The following LARP4 variants were observed in gnomAD, a reference collection of about 807,000 sequenced individuals.
The protein encoded by LARP4 is La ribonucleoprotein 4, also known as la-related protein 4.
Under a neutral mutation model 92.9 loss-of-function variants are expected in LARP4, and 29 were observed. That is an observed-to-expected ratio of 0.31 (90% CI 0.23 to 0.43). The LOEUF is 0.43. Ranked by LOEUF, LARP4 falls within the 20% of genes least tolerant of loss-of-function variation. LARP4 has a pLI of 1.00. For missense variants in LARP4, 732 were observed against 860.0 expected, an observed-to-expected ratio of 0.85 and a Z score of 1.86; for synonymous variants, 279 against 284.1, an observed-to-expected ratio of 0.98 and a Z score of 0.18.
intron 10 of LARP4, 105 bp downstream of exon 10, chr12:50,454,522 A>AT (rs1011837552): frequency 5.9e-6 from 5 of 850,768 alleles, no homozygotes; most frequent in Admixed American, 3.0e-5. Flanking sequence ...GGTTTGGTGG[A>AT]TTTTTTGTTT....
intron 1 of LARP4, among the ~76,000 whole-genome samples, chr12:50,410,524 G>A (rs1282597937): frequency 6.6e-6 from 1 of 151,036 alleles, no homozygotes; most frequent in East Asian, 1.9e-4. Context: ...TCCTGCCTCA[G>A]CCTCCCAAGT....
At chr12:50,403,063 C>G (rs945975493) in intron 1 of LARP4, among the ~76,000 whole-genome samples, 1 of 152,170 alleles carries the variant, frequency 6.6e-6, no homozygotes, top group East Asian at 1.9e-4. Context: ...GAATTATTCT[C>G]AGTGAGAGAA....
intron 8 of LARP4, among the ~76,000 whole-genome samples, chr12:50,449,168 TGGA>T (rs1156816233): frequency 6.6e-6 from 1 of 151,930 alleles, no homozygotes; most frequent in Non-Finnish European, 1.5e-5. Flanking sequence ...ATTTGATCCT[TGGA>T]GGAGGAGGTT....
At position 50,476,969 on chromosome 12, in the gene LARP4, G is replaced by A. The variant is rs1957579429; in HGVS notation, c.*1105G>A. The A allele has an allele frequency of 6.6e-6, 1 of 152,264 alleles. No individual in the cohort carries two copies. Among genetic ancestry groups the A allele is most frequent in the Admixed American group, 6.6e-5 (1 of 15,262 alleles). The allele number at this position is 152,264 out of a possible 1,614,324, so 9.4% of individuals were successfully genotyped here. ...TAATTTATTTGTCGTTAGTGTTAAAGATTAAGCATAGTAACTGACTCTTAA... is the reference window on the plus strand; with the variant it reads ...TAATTTATTTGTCGTTAGTGTTAAAAATTAAGCATAGTAACTGACTCTTAA... On this transcript the variant is annotated 3_prime_UTR_variant, in exon 16 of 16. Transcript: ENST00000398473.
chr12:50,472,044 G>C (rs1956993477), intron 13 of LARP4, among the ~76,000 whole-genome samples: 1 of 152,042 alleles, frequency 6.6e-6, no homozygotes, highest in Admixed American at 6.6e-5. Flanking sequence ...AAATGATCTA[G>C]CTTCCAGATC....
intron 12 of LARP4, among the ~76,000 whole-genome samples, chr12:50,466,083 A>G (rs898189526): frequency 1.3e-5 from 2 of 152,184 alleles, no homozygotes; most frequent in African/African-American, 2.4e-5. Context: ...ACCAAATGCT[A>G]TATGTCAGGA....
rs202127518 is a variant in LARP4, at chr12:50,451,838, T to TA, written c.805-1614dup. On this transcript the variant is annotated intron_variant, in intron 8 of 15. Coordinates refer to ENST00000398473, the MANE Select transcript of LARP4 (RefSeq NM_052879.5). Reference sequence around the variant, plus strand: ...GGCCACAGAGTGAGACTCTGTGTCTTAAAAAAAATACAAAAATCAGCCGGG... The same window carrying TA: ...GGCCACAGAGTGAGACTCTGTGTCTTAAAAAAAAATACAAAAATCAGCCGGG... Among the ~76,000 whole-genome samples the TA allele has an allele frequency of 9.1e-3, 1,372 of 150,778 alleles. 17 individuals are homozygous for TA. The highest frequency in any genetic ancestry group is 0.031 in the African/African-American group (1,278 of 41,050).
rs761462146 is a variant in LARP4 at position 50,427,767 on chromosome 12, A to G, written c.24A>G (p.Val8=). The G allele has an allele frequency of 6.5e-6, 10 of 1,535,204 alleles. No homozygotes were observed. Among genetic ancestry groups the G allele is most frequent in the Non-Finnish European group, 8.8e-6 (10 of 1,131,966 alleles). The change falls in exon 2 of 16, where the codon GTA becomes GTG. Residue 8 remains valine (V), a synonymous_variant. Coordinates refer to ENST00000398473, the MANE Select transcript of LARP4 (RefSeq NM_052879.5). MLLFVEQ[V]ASKGTGLNPN... ...TAGATCCTTCGATTATTTAGCAGGTAGCATCTAAAGGAACTGGTTTAAATC... is the reference window on the plus strand; with the variant it reads ...TAGATCCTTCGATTATTTAGCAGGTGGCATCTAAAGGAACTGGTTTAAATC...
chr12:50,456,861 A>G (rs1236219481), intron 10 of LARP4, among the ~76,000 whole-genome samples: 1 of 152,214 alleles, frequency 6.6e-6, no homozygotes, highest in African/African-American at 2.4e-5. Flanking sequence ...TTTTCTAAAC[A>G]TATGCAAATA....
intron 4 of LARP4, 90 bp downstream of exon 4, chr12:50,430,660 A>ATTT: frequency 3.2e-6 from 2 of 618,712 alleles, no homozygotes; most frequent in Non-Finnish European, 5.2e-6. Context: ...TATTTAACTA[A>ATTT]TTTTTTTTTT....
At chr12:50,412,452 AG>A (rs1227776808) in intron 1 of LARP4, 2 of 969,342 alleles carry the variant, frequency 2.1e-6, no homozygotes, top group Admixed American at 6.2e-5. Context: ...GATAGTAAAT[AG>A]GTAAGTAAAA....
chr12:50,405,171 T>TTA (rs916006888), intron 1 of LARP4, among the ~76,000 whole-genome samples: 3 of 152,044 alleles, frequency 2.0e-5, no homozygotes, highest in African/African-American at 7.2e-5. Context: ...AGTGCTGGGA[T>TTA]TATAGGCGTG....
At chr12:50,413,476 C>A (rs1234500885) in intron 1 of LARP4, among the ~76,000 whole-genome samples, 2 of 152,130 alleles carry the variant, frequency 1.3e-5, no homozygotes, top group East Asian at 3.9e-4. Context: ...CTCCATTTTT[C>A]AAAACTTTTT....
intron 1 of LARP4, among the ~76,000 whole-genome samples, chr12:50,409,624 G>A (rs1042465288): frequency 5.9e-5 from 9 of 151,900 alleles, no homozygotes; most frequent in African/African-American, 2.2e-4. Flanking sequence ...AAAATTAGGC[G>A]GGTATAGTGG....
At chr12:50,449,440 G>A (rs1333447044) in intron 8 of LARP4, among the ~76,000 whole-genome samples, 3 of 152,048 alleles carry the variant, frequency 2.0e-5, no homozygotes, top group African/African-American at 7.2e-5. Context: ...CATGCAAATT[G>A]GTCGCTAGAT....
At chr12:50,433,504 C>T (rs1949987815) in intron 4 of LARP4, among the ~76,000 whole-genome samples, 1 of 152,086 alleles carries the variant, frequency 6.6e-6, no homozygotes, top group African/African-American at 2.4e-5. Context: ...TGACAAGGTA[C>T]AGTTTCTTTA....
Position 50,442,386 on chromosome 12 carries a change from T to G in LARP4, c.804+743T>G, listed in dbSNP as rs79765828. On this transcript the variant is annotated intron_variant, in intron 8 of 15. Transcript: ENST00000398473. ...GATCCCTGTCTTTACATGTCTAATC[T>G]GTTCTCAGGTCCTGTGAAAATGCTT... 4.8e-4 allele frequency among the ~76,000 whole-genome samples: 73 copies of G among 152,346 alleles called. No homozygotes were observed. The East Asian group carries it at 0.013, about 28-fold the overall frequency.
At chr12:50,442,814 A>G (rs1228715576) in intron 8 of LARP4, among the ~76,000 whole-genome samples, 2 of 152,224 alleles carry the variant, frequency 1.3e-5, no homozygotes, top group African/African-American at 4.8e-5. Context: ...AAGAACTAGG[A>G]TAACAGTGAC....
intron 8 of LARP4, among the ~76,000 whole-genome samples, chr12:50,453,165 T>G (rs184806896): frequency 5.2e-4 from 79 of 151,558 alleles, no homozygotes; most frequent in African/African-American, 1.9e-3. Flanking sequence ...TCCTACCCCC[T>G]TGACCTCTGA....
Sources: gnomAD v4.1 joint callset for allele counts (sites outside exome capture counted in the v4.1 genomes callset) on GRCh38, gnomAD v4.1.1 for gene constraint, MANE v1.5 for transcripts, NCBI Gene and HGNC (gene_info 2026-07-23, HGNC 2026-07-21) for gene names.